The following COL24A1 variants were observed in gnomAD, a reference collection of about 807,000 sequenced individuals.
The protein encoded by COL24A1 is collagen alpha-1(XXIV) chain.
In COL24A1, 224 loss-of-function variants were observed where a neutral mutation model predicts 253.9. The ratio of observed to expected loss-of-function variants is 0.88; its 90% CI spans 0.79 to 0.99. The LOEUF is 0.99. Among genes scored for constraint, COL24A1 ranks in the 50% least tolerant of loss-of-function variants. COL24A1 has a pLI of 0.00. For missense variants in COL24A1, 2,131 were observed against 2,068.5 expected, an observed-to-expected ratio of 1.03 and a Z score of -0.59; for synonymous variants, 685 against 673.7, an observed-to-expected ratio of 1.02 and a Z score of -0.26.
intron 11 of COL24A1, 73 bp downstream of exon 11, chr1:86,050,051 A>C: frequency 7.6e-7 from 1 of 1,318,260 alleles, no homozygotes; most frequent in South Asian, 1.4e-5. Flanking sequence ...CTGACATCTG[A>C]TTTTATGACC....
Position 85,908,655 on chromosome 1 carries a change from T to A in COL24A1, c.2671-4A>T, listed in dbSNP as rs769832924. 25 of 1,362,912 alleles carry A rather than the reference T, an allele frequency of 1.8e-5. No homozygotes were observed. The Middle Eastern group carries it at 9.3e-4, about 51-fold the overall frequency. 84.4% of individuals were successfully genotyped at this position (1,362,912 alleles called of 1,614,324 possible). A position where few individuals can be genotyped will look rare whatever the true frequency, so the allele number is the denominator to read the frequency against. On this transcript the variant is annotated splice_region_variant and splice_polypyrimidine_tract_variant and intron_variant, in intron 26 of 59. Transcript: ENST00000370571. ...CCCCAGGAGGACCTGGATATCCCTATAATTTAAGGAAAATATAAAAGAAGT... is the reference window on the plus strand; with the variant it reads ...CCCCAGGAGGACCTGGATATCCCTAAAATTTAAGGAAAATATAAAAGAAGT...
At chr1:85,779,280 C>T (rs907733752) in intron 52 of COL24A1, among the ~76,000 whole-genome samples, 6 of 152,126 alleles carry the variant, frequency 3.9e-5, no homozygotes, top group East Asian at 3.9e-4. Flanking sequence ...CTGTCACTGA[C>T]GTAGGAGTGA....
chr1:85,908,757 T>A, intron 26 of COL24A1, 106 bp from the exon 27 acceptor site: 1 of 462,578 alleles, frequency 2.2e-6, no homozygotes, highest in Non-Finnish European at 3.8e-6. Flanking sequence ...AGGGATAATT[T>A]GACACAATGT....
At chr1:85,984,419 T>C (rs1693533152) in intron 20 of COL24A1, among the ~76,000 whole-genome samples, 2 of 151,828 alleles carry the variant, frequency 1.3e-5, no homozygotes, top group Non-Finnish European at 1.5e-5. Context: ...TTATTTTTTA[T>C]CTCTCCCACT....
At chr1:85,927,085 G>C (rs557669056) in intron 24 of COL24A1, among the ~76,000 whole-genome samples, 2 of 151,908 alleles carry the variant, frequency 1.3e-5, no homozygotes, top group African/African-American at 4.8e-5. Context: ...GAGCCAAGAC[G>C]GCCGAATAGG....
intron 2 of COL24A1, among the ~76,000 whole-genome samples, chr1:86,131,608 A>G (rs977285150): frequency 3.4e-5 from 5 of 148,016 alleles, no homozygotes; most frequent in Non-Finnish European, 7.4e-5. Context: ...GAGAACATGC[A>G]GTGTTTGGTT....
intron 24 of COL24A1, among the ~76,000 whole-genome samples, chr1:85,925,777 A>T (rs1052860044): frequency 1.3e-5 from 2 of 152,182 alleles, no homozygotes; most frequent in African/African-American, 4.8e-5. Context: ...GGACTTCATG[A>T]CTAAAACACC....
chr1:85,755,727 AT>A (rs1666168703), intron 55 of COL24A1, among the ~76,000 whole-genome samples: 1 of 152,172 alleles, frequency 6.6e-6, no homozygotes, highest in Admixed American at 6.5e-5. Flanking sequence ...AAAAACTTAC[AT>A]CATGAGTTAT....
rs146155900 is a variant in COL24A1 at position 85,844,561 on chromosome 1, T to C, written c.3463-2168A>G. On this transcript the variant is annotated intron_variant, in intron 39 of 59. Transcript: ENST00000370571. Reference sequence around the variant, plus strand: ...TTAAAAAGTTGAGTGAAAAACAAAGTAGACACTTTGAACTGACTAATAAAA... The same window carrying C: ...TTAAAAAGTTGAGTGAAAAACAAAGCAGACACTTTGAACTGACTAATAAAA... Among the ~76,000 whole-genome samples, 44 of 152,048 alleles carry C rather than the reference T, an allele frequency of 2.9e-4. No homozygotes were observed. In the East Asian group the frequency reaches 8.1e-3, roughly 28 times the overall value.
chr1:86,112,571 G>A lies in COL24A1; in HGVS notation c.1595C>T (p.Pro532Leu). 6.2e-7 allele frequency: 1 copy of A among 1,612,766 alleles called. No homozygotes were observed. Among genetic ancestry groups the A allele is most frequent in the Non-Finnish European group, 8.5e-7 (1 of 1,179,136 alleles). Residue 532 changes from proline (P) to leucine (L), a missense_variant, in exon 5 of 60, where the codon CCA (proline) becomes CTA (leucine). Transcript: ENST00000370571. ...GCCTGATTAGTAGTCACTTACCTTT[G>A]GACCAGGTAATCCAGGTAAACCAGG... ...GNPGLPGLPG[P>L]KGPKGDPGFS...
intron 47 of COL24A1, among the ~76,000 whole-genome samples, chr1:85,810,169 T>C (rs1672385338): frequency 6.6e-6 from 1 of 152,040 alleles, no homozygotes; most frequent in Non-Finnish European, 1.5e-5. Context: ...AAAAGTGACC[T>C]CTAGTTGCCC....
chr1:85,801,487 G>C (rs1671428339), intron 47 of COL24A1, among the ~76,000 whole-genome samples: 1 of 152,186 alleles, frequency 6.6e-6, no homozygotes, highest in African/African-American at 2.4e-5. Flanking sequence ...CTCAACTATA[G>C]CTCCTGTCAG....
intron 53 of COL24A1, among the ~76,000 whole-genome samples, chr1:85,771,471 T>C (rs1558059285): frequency 6.6e-6 from 1 of 152,190 alleles, no homozygotes; most frequent in African/African-American, 2.4e-5. Context: ...ATGGTGTATA[T>C]GTGCCACATT....
chr1:86,122,173 C>T (rs58133362), intron 3 of COL24A1, among the ~76,000 whole-genome samples: 2,705 of 118,630 alleles, frequency 0.023, 68 homozygotes, highest in East Asian at 0.15. Context: ...AATAGATTAT[C>T]GCTTTTTCTC....
At chr1:85,921,864 T>G (rs1379773978) in intron 24 of COL24A1, among the ~76,000 whole-genome samples, 1 of 152,152 alleles carries the variant, frequency 6.6e-6, no homozygotes, top group Non-Finnish European at 1.5e-5. Flanking sequence ...AATAACAAAC[T>G]TCTCCGAGCT....
At chr1:85,964,916 G>T in intron 23 of COL24A1, 93 bp downstream of exon 23, 2 of 1,068,002 alleles carry the variant, frequency 1.9e-6, no homozygotes, top group Non-Finnish European at 2.8e-6. Context: ...TTCTTTTTAA[G>T]TTGATGTGTT....
chr1:85,756,827 A>T (rs574610927), intron 55 of COL24A1, among the ~76,000 whole-genome samples: 1 of 152,362 alleles, frequency 6.6e-6, no homozygotes, highest in South Asian at 2.1e-4. Flanking sequence ...GTCCATTTGG[A>T]TAAACAAAAT....
intron 37 of COL24A1, among the ~76,000 whole-genome samples, chr1:85,861,527 T>A (rs1046503779): frequency 6.6e-6 from 1 of 152,180 alleles, no homozygotes; most frequent in East Asian, 1.9e-4. Flanking sequence ...GTTTTAGCTC[T>A]TACATTTAGG....
chr1:86,071,135 T>A (rs1031209619), intron 7 of COL24A1, among the ~76,000 whole-genome samples: 1 of 152,218 alleles, frequency 6.6e-6, no homozygotes, highest in Non-Finnish European at 1.5e-5. Context: ...TCTTTTTACA[T>A]GTTTTTTGGT....
Sources: allele counts gnomAD v4.1 joint callset (sites outside exome capture counted in the v4.1 genomes callset), GRCh38; gene constraint gnomAD v4.1.1; transcripts MANE v1.5; gene names NCBI Gene and HGNC (gene_info 2026-07-23, HGNC 2026-07-21).